The following MFHAS1 variants were observed in gnomAD, a reference collection of about 807,000 sequenced individuals.
MFHAS1 encodes malignant fibrous histiocytoma-amplified sequence 1.
In MFHAS1, 50 loss-of-function variants were observed where a neutral mutation model predicts 70.4. The ratio of observed to expected loss-of-function variants is 0.71; its 90% CI spans 0.57 to 0.90. The LOEUF (loss-of-function observed/expected upper bound fraction) is 0.90. MFHAS1 is among the 40% of genes least tolerant of loss of function. The probability of loss-of-function intolerance (pLI) is 0.00; values close to 1 mark genes in which losing one functional copy is unlikely to be tolerated. For missense variants in MFHAS1, 1,795 were observed against 1,347.6 expected, an observed-to-expected ratio of 1.33 and a Z score of -5.20; for synonymous variants, 952 against 620.0, an observed-to-expected ratio of 1.54 and a Z score of -7.96.
At chr8:8,861,713 T>C (rs1808668142) in intron 1 of MFHAS1, among the ~76,000 whole-genome samples, 1 of 152,198 alleles carries the variant, frequency 6.6e-6, no homozygotes, top group Non-Finnish European at 1.5e-5. Context: ...AAAGGTTCTC[T>C]TGTACCCCTC....
intron 1 of MFHAS1, among the ~76,000 whole-genome samples, chr8:8,807,972 C>T (rs1429430518): frequency 1.3e-5 from 2 of 152,194 alleles, no homozygotes; most frequent in Admixed American, 1.3e-4. Context: ...CAATCTGGGT[C>T]TGAAAATATT....
At chr8:8,859,750 T>A (rs890876579) in intron 1 of MFHAS1, among the ~76,000 whole-genome samples, 1 of 152,242 alleles carries the variant, frequency 6.6e-6, no homozygotes, top group Non-Finnish European at 1.5e-5. Context: ...AAATATGTGC[T>A]ATTGACTGTT....
At chr8:8,886,850 G>C (rs1384666665) in intron 1 of MFHAS1, among the ~76,000 whole-genome samples, 3 of 152,210 alleles carry the variant, frequency 2.0e-5, no homozygotes, top group African/African-American at 7.2e-5. Context: ...AGGTGGCCAA[G>C]CCTAGTGGCT....
chr8:8,889,239 G>A (rs1239994027), intron 1 of MFHAS1, among the ~76,000 whole-genome samples: 4 of 152,060 alleles, frequency 2.6e-5, no homozygotes, highest in Non-Finnish European at 5.9e-5. Context: ...ACCTTAAGAC[G>A]TCTATAAAAC....
At chr8:8,833,852 A>G (rs1807499830) in intron 1 of MFHAS1, among the ~76,000 whole-genome samples, 1 of 152,182 alleles carries the variant, frequency 6.6e-6, no homozygotes, top group African/African-American at 2.4e-5. Context: ...ATGGAATACT[A>G]CTCAACAACA....
At chr8:8,804,366 G>C (rs1483363382) in intron 1 of MFHAS1, among the ~76,000 whole-genome samples, 3 of 152,124 alleles carry the variant, frequency 2.0e-5, no homozygotes, top group African/African-American at 7.2e-5. Context: ...GTCCGGTTTT[G>C]ATATTGAATG....
chr8:8,829,502 G>A (rs1807288625), intron 1 of MFHAS1, among the ~76,000 whole-genome samples: 2 of 152,186 alleles, frequency 1.3e-5, no homozygotes, highest in Non-Finnish European at 1.5e-5. Flanking sequence ...CCAACATGGT[G>A]AAACCCCATC....
At chr8:8,865,655 C>G (rs2116897544) in intron 1 of MFHAS1, among the ~76,000 whole-genome samples, 1 of 152,296 alleles carries the variant, frequency 6.6e-6, no homozygotes, top group Admixed American at 6.5e-5. Flanking sequence ...CTGTCAAATC[C>G]TAGTCTACTC....
chr8:8,883,211 G>A lies in MFHAS1; in HGVS notation c.2998+6850C>T, dbSNP rs367845734. Among the ~76,000 whole-genome samples the A allele has an allele frequency of 3.9e-5, 6 of 152,218 alleles. No homozygotes were observed. In the East Asian group the frequency reaches 5.8e-4, roughly 15 times the overall value. ...TGAACCAGAGAGGACTGAGACCTGAGCCTACCTGATGTGCTTTCCACAAAG... is the reference window on the plus strand; with the variant it reads ...TGAACCAGAGAGGACTGAGACCTGAACCTACCTGATGTGCTTTCCACAAAG... On this transcript the variant is annotated intron_variant, in intron 1 of 2. Coordinates refer to ENST00000276282, the MANE Select transcript of MFHAS1 (RefSeq NM_004225.3).
At chr8:8,793,183 A>G (rs1805777423) in intron 2 of MFHAS1, among the ~76,000 whole-genome samples, 1 of 152,228 alleles carries the variant, frequency 6.6e-6, no homozygotes, top group African/African-American at 2.4e-5. Flanking sequence ...AAACAAAAAA[A>G]AAAATATCAC....
intron 1 of MFHAS1, among the ~76,000 whole-genome samples, chr8:8,845,124 CCT>C (rs1199797275): frequency 6.6e-6 from 1 of 152,116 alleles, no homozygotes; most frequent in Non-Finnish European, 1.5e-5. Flanking sequence ...TTAAACTGAC[CCT>C]CTGTCATTCA....
chr8:8,811,540 A>T (rs1452966305), intron 1 of MFHAS1, among the ~76,000 whole-genome samples: 2 of 152,160 alleles, frequency 1.3e-5, no homozygotes, highest in African/African-American at 4.8e-5. Flanking sequence ...AGCCTCCTAA[A>T]GTGCTGGGAT....
intron 1 of MFHAS1, among the ~76,000 whole-genome samples, chr8:8,881,686 T>G (rs908094292): frequency 6.6e-6 from 1 of 151,906 alleles, no homozygotes; most frequent in Non-Finnish European, 1.5e-5. Flanking sequence ...ATACAAAAAT[T>G]AGTCAGGCGT....
At chr8:8,822,905 G>A (rs1009912332) in intron 1 of MFHAS1, among the ~76,000 whole-genome samples, 6 of 152,158 alleles carry the variant, frequency 3.9e-5, no homozygotes, top group Non-Finnish European at 7.4e-5. Context: ...AGAAGGGGTT[G>A]GAATGACTGA....
At chr8:8,852,914 A>G (rs1040822917) in intron 1 of MFHAS1, among the ~76,000 whole-genome samples, 11 of 152,180 alleles carry the variant, frequency 7.2e-5, no homozygotes, top group African/African-American at 2.7e-4. Flanking sequence ...ACATACTTAA[A>G]GTCAGAAGTG....
intron 1 of MFHAS1, among the ~76,000 whole-genome samples, chr8:8,841,759 C>CA (rs1309191578): frequency 6.6e-6 from 1 of 152,168 alleles, no homozygotes; most frequent in East Asian, 1.9e-4. Flanking sequence ...CCACATGGGC[C>CA]ACACCCCACG....
intron 1 of MFHAS1, among the ~76,000 whole-genome samples, chr8:8,838,748 G>A (rs975107694): frequency 4.0e-5 from 6 of 150,408 alleles, no homozygotes; most frequent in Non-Finnish European, 7.4e-5. Flanking sequence ...GGAGGCAGAG[G>A]TTGTAGTGAG....
chr8:8,860,176 G>C (rs565565391), intron 1 of MFHAS1: 1 of 152,190 alleles, frequency 6.6e-6, no homozygotes, highest in Non-Finnish European at 1.5e-5. Context: ...GCAGGCCTGA[G>C]ATTCCACAGA....
intron 2 of MFHAS1, among the ~76,000 whole-genome samples, chr8:8,789,282 C>G (rs1225631993): frequency 1.3e-5 from 2 of 152,208 alleles, no homozygotes; most frequent in Non-Finnish European, 2.9e-5. Context: ...GGCAATGAGG[C>G]TTACGGACTC....
Sources: allele counts gnomAD v4.1 joint callset (sites outside exome capture counted in the v4.1 genomes callset), GRCh38; gene constraint gnomAD v4.1.1; transcripts MANE v1.5; gene names NCBI Gene and HGNC (gene_info 2026-07-23, HGNC 2026-07-21).